Variants in ADAMTS9 observed in about 807,000 individuals in gnomAD.
ADAMTS9 encodes the protein ADAM metallopeptidase with thrombospondin type 1 motif 9.
A neutral mutation model predicts 257.1 loss-of-function variants in ADAMTS9; 107 were observed. The ratio of observed to expected loss-of-function variants is 0.42; its 90% confidence interval spans 0.36 to 0.49. ADAMTS9 has a LOEUF of 0.49. ADAMTS9 is among the 20% of genes least tolerant of loss of function. The pLI, the probability that ADAMTS9 is intolerant of heterozygous loss-of-function variation, is 0.03. For missense variants in ADAMTS9, 2,353 were observed against 2,469.1 expected (o/e 0.95, Z 1.00); for synonymous variants, 982 against 880.9 (o/e 1.11, Z -2.03).
Position 64,594,989 on chromosome 3 carries a change from G to T in ADAMTS9, c.4180-555C>A, listed in dbSNP as rs113589194. On this transcript the variant is annotated intron_variant, in intron 27 of 39. Transcript: ENST00000498707. Reference sequence around the variant, plus strand: ...TTTTTAGTAGAGATGGGGTTTCACCGTGTTAGCCAGGATGGTCTCGATCTC... The same window carrying T: ...TTTTTAGTAGAGATGGGGTTTCACCTTGTTAGCCAGGATGGTCTCGATCTC... 5.7e-3 allele frequency among the ~76,000 whole-genome samples: 860 copies of T among 152,088 alleles called. 10 individuals are homozygous for T. Among genetic ancestry groups the T allele is most frequent in the African/African-American group, 0.019 (806 of 41,496 alleles).
At chr3:64,596,015 A>G (rs1363964899) in intron 27 of ADAMTS9, among the ~76,000 whole-genome samples, 3 of 152,242 alleles carry the variant, frequency 2.0e-5, no homozygotes, top group Non-Finnish European at 4.4e-5. Flanking sequence ...TCACAGTATT[A>G]TTAATAATTA....
In ADAMTS9 at chr3:64,582,144, G is replaced by C. The variant is rs376151745; in HGVS notation, c.4356+12114C>G. 3.3e-5 allele frequency among the ~76,000 whole-genome samples: 5 copies of C among 152,244 alleles called. No homozygotes were observed. The East Asian group carries it at 5.8e-4, about 18-fold the overall frequency. On this transcript the variant is annotated intron_variant, in intron 28 of 39. Coordinates refer to ENST00000498707, the MANE Select transcript of ADAMTS9 (RefSeq NM_182920.2). The stretch of plus-strand genomic sequence containing the variant: ...TTGTGTGGCATGGGGGTTGGGGTTG[G>C]GAAATATATAGCATTTGCCATCTGC...
intron 28 of ADAMTS9, among the ~76,000 whole-genome samples, chr3:64,591,298 G>A (rs976473381): frequency 6.6e-6 from 1 of 152,046 alleles, no homozygotes; most frequent in African/African-American, 2.4e-5. Context: ...AAATTAGCCA[G>A]GTGTGGTGGT....
At chr3:64,578,411 T>A (rs542146361) in intron 28 of ADAMTS9, among the ~76,000 whole-genome samples, 1 of 152,166 alleles carries the variant, frequency 6.6e-6, no homozygotes, top group Non-Finnish European at 1.5e-5. Context: ...AAAATTACAT[T>A]TGATGGTTTT....
chr3:64,547,764 A>G (rs929616652), intron 31 of ADAMTS9, among the ~76,000 whole-genome samples: 7 of 152,004 alleles, frequency 4.6e-5, no homozygotes, highest in Non-Finnish European at 1.0e-4. Context: ...CTTTTATCCT[A>G]AGTCTATGGC....
At chr3:64,519,285 G>A (rs78299385) in intron 39 of ADAMTS9, among the ~76,000 whole-genome samples, 3,825 of 152,174 alleles carry the variant, frequency 0.025, 116 homozygotes, top group East Asian at 0.071. Context: ...CTGTATTAAA[G>A]TTACAGATCC....
intron 38 of ADAMTS9, among the ~76,000 whole-genome samples, chr3:64,527,319 C>T (rs74572746): frequency 6.6e-6 from 1 of 152,194 alleles, no homozygotes; most frequent in African/African-American, 2.4e-5. Flanking sequence ...GTATTTCATA[C>T]TTTTCACTAA....
intron 3 of ADAMTS9, among the ~76,000 whole-genome samples, chr3:64,675,316 C>A (rs1396738869): frequency 4.6e-5 from 7 of 152,134 alleles, no homozygotes; most frequent in Non-Finnish European, 8.8e-5. Context: ...CAGCAAATGT[C>A]AACTCTTATT....
At chr3:64,566,239 T>C (rs752550833) in intron 29 of ADAMTS9, among the ~76,000 whole-genome samples, 2 of 152,224 alleles carry the variant, frequency 1.3e-5, no homozygotes, top group Admixed American at 6.5e-5. Flanking sequence ...TCTTTAATCA[T>C]GCAGACCGTC....
chr3:64,539,130 G>C (rs1454498484), intron 37 of ADAMTS9, 73 bp downstream of exon 37: 2 of 1,431,480 alleles, frequency 1.4e-6, no homozygotes, highest in African/African-American at 1.4e-5. Context: ...CCCAGGAACA[G>C]ATGCAACTGA....
At chr3:64,627,879 C>T (rs1039951519) in intron 16 of ADAMTS9, among the ~76,000 whole-genome samples, 7 of 152,094 alleles carry the variant, frequency 4.6e-5, no homozygotes, top group Non-Finnish European at 1.0e-4. Context: ...GGACTCAACG[C>T]GAGACTCAGT....
Position 64,687,595 on chromosome 3 carries a change from C to A in ADAMTS9, c.63G>T (p.Gly21=). The A allele has an allele frequency of 6.3e-7, 1 of 1,582,950 alleles. No homozygotes were observed. The highest frequency in any genetic ancestry group is 2.3e-5 in the East Asian group (1 of 43,370). ...TLLVRDLAEM[G]SPDAAAAVRK... ...GCACGGCCGCCGCGGCGTCTGGGCT[C>A]CCCATCTCGGCCAGGTCCCGCACCA... The change falls in exon 1 of 40, where the codon GGG becomes GGT. Residue 21 remains glycine, a synonymous_variant. Transcript: ENST00000498707. The surrounding 1 kb of genome is among the most constrained non-coding windows in gnomAD (Gnocchi z 4.4).
At position 64,686,739 on chromosome 3, in the gene ADAMTS9, G is replaced by C; in HGVS notation, c.345C>G (p.Ala115=). Residue 115 remains alanine (A), a synonymous_variant, in exon 2 of 40, where the codon GCC becomes GCG. Transcript: ENST00000498707. This position sits in a 1 kb window ranked among gnomAD's most constrained non-coding sequence, Gnocchi z 4.6. ...FGQQFLFNLT[A]NAGFIAPLFT... is the part of the protein sequence containing the mutation. ...ACAGTGGAGCGATAAATCCGGCATT[G>C]GCGGTGAGATTAAATAGAAACTGCT... is the stretch of plus-strand genomic sequence containing the variant. The C allele has an allele frequency of 6.2e-7, 1 of 1,614,260 alleles. No individual in the cohort carries two copies. The highest frequency in any genetic ancestry group is 8.5e-7 in the Non-Finnish European group (1 of 1,180,046).
intron 29 of ADAMTS9, 135 bp from the exon 30 acceptor site, chr3:64,561,886 T>G: frequency 1.3e-6 from 1 of 756,596 alleles, no homozygotes; most frequent in Non-Finnish European, 2.1e-6. Flanking sequence ...CGCTTTCTAA[T>G]TTGCAATGAA....
chr3:64,582,104 C>A (rs2084018917), intron 28 of ADAMTS9, among the ~76,000 whole-genome samples: 1 of 152,048 alleles, frequency 6.6e-6, no homozygotes, highest in Non-Finnish European at 1.5e-5. Context: ...GTTGTACCTG[C>A]CGTTTTGAGT....
At chr3:64,569,799 T>A (rs1433468156) in intron 28 of ADAMTS9, among the ~76,000 whole-genome samples, 2 of 152,208 alleles carry the variant, frequency 1.3e-5, no homozygotes, top group East Asian at 3.8e-4. Flanking sequence ...TGTTTTCATT[T>A]GAGCTCTAAT....
At chr3:64,666,184 A>C (rs1701350975) in intron 3 of ADAMTS9, among the ~76,000 whole-genome samples, 1 of 152,234 alleles carries the variant, frequency 6.6e-6, no homozygotes, top group African/African-American at 2.4e-5. Flanking sequence ...GCAATACAAT[A>C]AAATGCACAG....
chr3:64,665,908 A>T (rs932044776), intron 3 of ADAMTS9, among the ~76,000 whole-genome samples: 6 of 152,240 alleles, frequency 3.9e-5, no homozygotes, highest in African/African-American at 1.4e-4. Context: ...ATAAGAAAGC[A>T]TATAGAGAAT....
intron 16 of ADAMTS9, among the ~76,000 whole-genome samples, chr3:64,623,949 G>T (rs1421392125): frequency 6.6e-6 from 1 of 151,940 alleles, no homozygotes; most frequent in African/African-American, 2.4e-5. Flanking sequence ...AGAACTGCTT[G>T]AATCGAGTGC....
Sources: allele counts gnomAD v4.1 joint callset (sites outside exome capture counted in the v4.1 genomes callset), GRCh38; gene constraint gnomAD v4.1.1; non-coding constraint Gnocchi (gnomAD v3.1); transcripts MANE v1.5; gene names NCBI Gene and HGNC (gene_info 2026-07-23, HGNC 2026-07-21).